The following GPT2 variants were observed in gnomAD, a reference collection of about 807,000 sequenced individuals.
The protein encoded by GPT2 is alanine aminotransferase 2.
GPT2 carries 30 observed loss-of-function variants against 56.9 expected under a neutral mutation model. That is an observed-to-expected ratio of 0.53 (90% confidence interval 0.39 to 0.72). GPT2 has a LOEUF of 0.72. GPT2 is among the 30% of genes least tolerant of loss of function. GPT2 has a pLI of 0.00. For synonymous variants in GPT2, 271 were observed against 283.1 expected, an observed-to-expected ratio of 0.96 and a Z score of 0.43; for missense variants, 542 against 703.4, an observed-to-expected ratio of 0.77 and a Z score of 2.60.
At chr16:46,889,107 G>C (rs1477696555) in intron 2 of GPT2, among the ~76,000 whole-genome samples, 1 of 152,080 alleles carries the variant, frequency 6.6e-6, no homozygotes, top group Non-Finnish European at 1.5e-5. Flanking sequence ...GCTCACTGCA[G>C]CCTCAACTTC....
rs533365793 is a variant in GPT2 at position 46,929,816 on chromosome 16, G to A, written c.*819G>A. The A allele has an allele frequency of 1.3e-5, 2 of 152,380 alleles. No homozygotes were observed. The highest frequency in any genetic ancestry group is 4.8e-5 in the African/African-American group (2 of 41,476). The allele number at this position is 152,380 out of a possible 1,614,324, so 9.4% of individuals were successfully genotyped here. A position where few individuals can be genotyped will look rare whatever the true frequency, so the allele number is the denominator to read the frequency against. On this transcript the variant is annotated 3_prime_UTR_variant, in exon 12 of 12. Transcript: ENST00000340124. The stretch of plus-strand genomic sequence containing the variant: ...GCAGTGTCCCACTTCCGTGGAGAGA[G>A]CCGCTGGAATGGTGTGGACCCATCC...
At chr16:46,890,836 T>G (rs1026842775) in intron 2 of GPT2, among the ~76,000 whole-genome samples, 3 of 152,178 alleles carry the variant, frequency 2.0e-5, no homozygotes, top group Non-Finnish European at 4.4e-5. Flanking sequence ...AAATTTCAAG[T>G]AAAAAATACA....
intron 9 of GPT2, among the ~76,000 whole-genome samples, chr16:46,923,410 A>T (rs568551982): frequency 3.9e-5 from 6 of 152,308 alleles, no homozygotes; most frequent in African/African-American, 9.6e-5. Flanking sequence ...GTGGGCTGAG[A>T]TTGCGCCATG....
At chr16:46,925,407 G>C (rs1291325531) in intron 10 of GPT2, among the ~76,000 whole-genome samples, 1 of 152,106 alleles carries the variant, frequency 6.6e-6, no homozygotes, top group African/African-American at 2.4e-5. Flanking sequence ...ATTTTTAGTA[G>C]AGACGGGGTT....
chr16:46,906,916 G>A lies in GPT2; in HGVS notation c.517G>A (p.Gly173Ser), dbSNP rs139850612. The A allele has an allele frequency of 1.7e-4, 273 of 1,614,096 alleles. No individual in the cohort carries two copies. The highest frequency in any genetic ancestry group is 2.1e-4 in the Non-Finnish European group (252 of 1,180,052). ...TGCCTACATCACCAGGAGGGATGGC[G>A]GTGTGCCTGCGGACCCCGACAACAT... The part of the protein sequence containing the change: ...VAAYITRRDG[G>S]VPADPDNIYL... The change falls in exon 5 of 12, where the codon GGT becomes AGT. Residue 173 changes from glycine to serine, a missense_variant. Coordinates refer to ENST00000340124, the MANE Select transcript of GPT2 (RefSeq NM_133443.4).
intron 3 of GPT2, among the ~76,000 whole-genome samples, chr16:46,898,406 C>T (rs961303600): frequency 2.6e-5 from 4 of 151,954 alleles, no homozygotes; most frequent in African/African-American, 4.8e-5. Context: ...CTGCCTGGGC[C>T]GGGATTGTGG....
intron 8 of GPT2, among the ~76,000 whole-genome samples, chr16:46,920,797 C>A (rs1385245250): frequency 6.6e-6 from 1 of 152,108 alleles, no homozygotes; most frequent in Non-Finnish European, 1.5e-5. Context: ...TGCTCTGTAG[C>A]TCTTTTCCTA....
intron 10 of GPT2, among the ~76,000 whole-genome samples, chr16:46,924,952 G>A (rs114504822): frequency 0.021 from 3,215 of 152,018 alleles, 68 homozygotes; most frequent in African/African-American, 0.051. Context: ...TGTGGAGAAC[G>A]GGTCTCGCTA....
chr16:46,905,527 A>C (rs1321449905), intron 4 of GPT2, among the ~76,000 whole-genome samples: 4 of 152,142 alleles, frequency 2.6e-5, no homozygotes, highest in Admixed American at 2.0e-4. Context: ...AATTCAAAAG[A>C]TCTAAAAGAA....
chr16:46,928,513 C>T (rs1961463069), intron 11 of GPT2, among the ~76,000 whole-genome samples: 1 of 151,774 alleles, frequency 6.6e-6, no homozygotes, highest in South Asian at 2.1e-4. Context: ...ATCCCAGCTA[C>T]TCGGGAGGCT....
At chr16:46,909,534 C>T in intron 5 of GPT2, 150 bp from the exon 6 acceptor site, 1 of 846,010 alleles carries the variant, frequency 1.2e-6, no homozygotes, top group Non-Finnish European at 1.8e-6. Context: ...CGCAGCTGCC[C>T]TCATTTTACA....
At chr16:46,902,733 C>T (rs1487421382) in intron 4 of GPT2, among the ~76,000 whole-genome samples, 1 of 152,128 alleles carries the variant, frequency 6.6e-6, no homozygotes, top group East Asian at 1.9e-4. Context: ...TCAAGCGATT[C>T]TTCTGCCTCA....
At chr16:46,901,180 C>T (rs1448267378) in intron 4 of GPT2, among the ~76,000 whole-genome samples, 1 of 152,314 alleles carries the variant, frequency 6.6e-6, no homozygotes, top group East Asian at 1.9e-4. Flanking sequence ...CAGCTCTGAA[C>T]ATGTCTCTGC....
At chr16:46,897,108 C>T (rs1596864005) in intron 2 of GPT2, among the ~76,000 whole-genome samples, 1 of 152,158 alleles carries the variant, frequency 6.6e-6, no homozygotes, top group Non-Finnish European at 1.5e-5. Context: ...GTTGGTCAGG[C>T]GCAATGGCTC....
rs1369470159 is a variant in GPT2, at chr16:46,909,775, T to C, written c.668T>C (p.Ile223Thr). ...CAATATCCCCTCTATTCAGCTGTCA[T>C]CTCTGAGCTCGACGCCATCCAGGTG... is the stretch of plus-strand genomic sequence containing the variant. ...IPQYPLYSAV[I>T]SELDAIQVNY... The change falls in exon 6 of 12, where the codon ATC becomes ACC. Residue 223 changes from isoleucine (I) to threonine (T), a missense_variant. Transcript: ENST00000340124. 2 of 1,614,012 alleles carry C rather than the reference T, an allele frequency of 1.2e-6. No homozygotes were observed. The highest frequency in any genetic ancestry group is 1.3e-5 in the African/African-American group (1 of 74,892).
chr16:46,922,198 T>C, intron 8 of GPT2, 44 bp from the exon 9 acceptor site: 5 of 1,590,032 alleles, frequency 3.1e-6, no homozygotes, highest in Non-Finnish European at 4.3e-6. Flanking sequence ...TTTGTTGAGG[T>C]CTTTCTATAA....
At chr16:46,894,669 C>CT (rs1252429847) in intron 2 of GPT2, among the ~76,000 whole-genome samples, 2,078 of 145,040 alleles carry the variant, frequency 0.014, 21 homozygotes, top group Admixed American at 0.02. Flanking sequence ...CACTGGGAAT[C>CT]TTTTTTTTTT....
At chr16:46,925,154 C>G (rs1005134545) in intron 10 of GPT2, among the ~76,000 whole-genome samples, 2 of 152,022 alleles carry the variant, frequency 1.3e-5, no homozygotes, top group African/African-American at 4.8e-5. Flanking sequence ...CTCAAGGGAA[C>G]CTCCCATTTC....
intron 6 of GPT2, among the ~76,000 whole-genome samples, chr16:46,910,433 C>T (rs998285494): frequency 2.9e-5 from 4 of 137,570 alleles, no homozygotes; most frequent in Middle Eastern, 4.3e-3. Context: ...GTGGTACATG[C>T]GGTCCCAGCT....
Sources: gnomAD v4.1 joint callset for allele counts (sites outside exome capture counted in the v4.1 genomes callset) on GRCh38, gnomAD v4.1.1 for gene constraint, MANE v1.5 for transcripts, NCBI Gene and HGNC (gene_info 2026-07-23, HGNC 2026-07-21) for gene names.